The following RAD51B variants were observed in gnomAD, a reference collection of about 807,000 sequenced individuals.
The protein encoded by RAD51B is DNA repair protein RAD51 homolog 2.
RAD51B carries 38 observed loss-of-function variants against 42.2 expected under a neutral mutation model. The ratio of observed to expected loss-of-function variants is 0.90; its 90% confidence interval spans 0.70 to 1.18. The LOEUF (loss-of-function observed/expected upper bound fraction) is 1.18. Among genes scored for constraint, RAD51B ranks in the 50% most tolerant of loss-of-function variants. The pLI is 0.00. For synonymous variants in RAD51B, 154 were observed against 145.2 expected (o/e 1.06, Z -0.43); for missense variants, 373 against 400.7 (o/e 0.93, Z 0.59).
chr14:67,821,795 T>A (rs8004611), intron 1 of RAD51B, among the ~76,000 whole-genome samples: 46,152 of 151,906 alleles, frequency 0.3, 7,406 homozygotes, highest in Middle Eastern at 0.43. Flanking sequence ...TTTTTTTTTT[T>A]AAATTGAATT....
intron 7 of RAD51B, among the ~76,000 whole-genome samples, chr14:68,199,667 C>A (rs2036151734): frequency 1.3e-5 from 2 of 152,238 alleles, no homozygotes; most frequent in African/African-American, 4.8e-5. Flanking sequence ...CGTCCTCCCC[C>A]TTCAGTTCTT....
chr14:67,977,673 G>A (rs545163242), intron 7 of RAD51B, among the ~76,000 whole-genome samples: 1 of 151,842 alleles, frequency 6.6e-6, no homozygotes, highest in Non-Finnish European at 1.5e-5. Context: ...TTGAAATTTT[G>A]TGTTAGCTTC....
intron 10 of RAD51B, among the ~76,000 whole-genome samples, chr14:68,471,810 TTGTC>T (rs756020815): frequency 3.1e-4 from 47 of 152,164 alleles, no homozygotes; most frequent in Non-Finnish European, 5.9e-4. Flanking sequence ...TGCATCTCCT[TTGTC>T]TGTCCAGCGT....
rs945558650 is a variant in RAD51B at position 68,492,225 on chromosome 14, G to A, written c.1036+23975G>A. On this transcript the variant is annotated intron_variant, in intron 10 of 10. Transcript: ENST00000487270. ...ACTGACCCACTTAAAATTGCAACCC[G>A]CTCTGCTTACCCCCATCCTGCTCTA... is the stretch of plus-strand genomic sequence containing the variant. 9.9e-5 allele frequency among the ~76,000 whole-genome samples: 15 copies of A among 152,018 alleles called. 1 individual carries two copies. The highest frequency in any genetic ancestry group is 4.6e-4 in the Admixed American group (7 of 15,262).
At chr14:68,047,450 G>A (rs1012399023) in intron 7 of RAD51B, among the ~76,000 whole-genome samples, 4 of 151,926 alleles carry the variant, frequency 2.6e-5, no homozygotes, top group Admixed American at 6.6e-5. Context: ...TGGGAAATTC[G>A]AAAAGAACGA....
chr14:67,903,082 T>A (rs1395091149), intron 7 of RAD51B, among the ~76,000 whole-genome samples: 1 of 152,100 alleles, frequency 6.6e-6, no homozygotes, highest in Non-Finnish European at 1.5e-5. Context: ...GGTTTTAAAC[T>A]CCTGACCTCA....
chr14:68,667,458 A>G (rs959425566), intron 11 of RAD51B, among the ~76,000 whole-genome samples: 2 of 127,958 alleles, frequency 1.6e-5, no homozygotes, highest in Non-Finnish European at 3.5e-5. Context: ...AATCAAATAT[A>G]AAAACTACCT....
chr14:68,477,984 C>A lies in RAD51B; in HGVS notation c.*320C>A. ...AACCAGGCACCTCAAAGCGGTTTAA[C>A]CACATTAATTAATTAAAGCCCACAA... On this transcript the variant is annotated 3_prime_UTR_variant, in exon 11 of 11. Transcript: ENST00000471583. 1 of 1,131,472 alleles carries A rather than the reference C, an allele frequency of 8.8e-7. No individual in the cohort carries two copies. The highest frequency in any genetic ancestry group is 1.1e-6 in the Non-Finnish European group (1 of 923,356). 70.1% of individuals were successfully genotyped at this position (1,131,472 alleles called of 1,614,324 possible).
At chr14:67,980,897 A>G (rs368806744) in intron 7 of RAD51B, among the ~76,000 whole-genome samples, 1 of 152,234 alleles carries the variant, frequency 6.6e-6, no homozygotes, top group African/African-American at 2.4e-5. Flanking sequence ...AACATCATCA[A>G]AATTTAAAAT....
intron 7 of RAD51B, chr14:67,887,486 T>C: frequency 4.0e-6 from 1 of 252,586 alleles, no homozygotes; most frequent in South Asian, 8.0e-5. Context: ...TCTCATTGTT[T>C]ACTCTTTGTG....
chr14:68,169,125 G>A (rs145477397), intron 7 of RAD51B, among the ~76,000 whole-genome samples: 141 of 152,278 alleles, frequency 9.3e-4, no homozygotes, highest in African/African-American at 3.3e-3. Flanking sequence ...ACTCCAGCTT[G>A]CATAGTAAGC....
In RAD51B at chr14:68,468,413, C is replaced by A. The variant is rs1486586212; in HGVS notation, c.1036+163C>A. On this transcript the variant is annotated intron_variant, in intron 10 of 10. Coordinates refer to ENST00000471583, the MANE Select transcript of RAD51B (RefSeq NM_133510.4). ...TACCCTAGTGAGAGCAAGAGAGCGG[C>A]AGTTGTGGCAAGAATTTGACAGAGA... The A allele has an allele frequency of 3.7e-6, 3 of 803,584 alleles. No homozygotes were observed. In the African/African-American group the frequency reaches 5.0e-5, roughly 14 times the overall value. 49.8% of individuals were successfully genotyped at this position (803,584 alleles called of 1,614,324 possible).
intron 7 of RAD51B, among the ~76,000 whole-genome samples, chr14:67,920,725 T>G (rs1316536626): frequency 8.5e-5 from 13 of 152,176 alleles, no homozygotes. Flanking sequence ...ACAGGCTCTG[T>G]GCTTGGTCTT....
At chr14:68,360,972 A>G (rs2083013108) in intron 8 of RAD51B, among the ~76,000 whole-genome samples, 2 of 152,206 alleles carry the variant, frequency 1.3e-5, no homozygotes, top group Non-Finnish European at 1.5e-5. Flanking sequence ...GGTAGGGGGT[A>G]GGACCCCTCT....
chr14:67,925,221 G>A (rs2140143149), intron 7 of RAD51B, among the ~76,000 whole-genome samples: 1 of 152,284 alleles, frequency 6.6e-6, no homozygotes, highest in African/African-American at 2.4e-5. Context: ...GGCTGGCATT[G>A]AGTGTCTGCA....
intron 7 of RAD51B, among the ~76,000 whole-genome samples, chr14:67,979,630 C>T (rs1386584759): frequency 1.3e-5 from 2 of 152,096 alleles, no homozygotes; most frequent in Admixed American, 6.6e-5. Context: ...AAGGAGTCTT[C>T]GTAGTAATCC....
intron 10 of RAD51B, among the ~76,000 whole-genome samples, chr14:68,574,871 T>G (rs1288854402): frequency 6.6e-6 from 1 of 152,128 alleles, no homozygotes; most frequent in Non-Finnish European, 1.5e-5. Context: ...GGATTTTTGG[T>G]CTCCAGTAGC....
At chr14:68,387,020 G>C (rs1195697117) in intron 8 of RAD51B, 1 of 152,198 alleles carries the variant, frequency 6.6e-6, no homozygotes, top group Non-Finnish European at 1.5e-5. Flanking sequence ...ATGCATTTAA[G>C]TCACCAAGTG....
intron 4 of RAD51B, among the ~76,000 whole-genome samples, chr14:67,858,801 C>T (rs1180037383): frequency 2.6e-5 from 4 of 152,228 alleles, no homozygotes; most frequent in African/African-American, 9.6e-5. Flanking sequence ...TCACTGCCTC[C>T]TGTCGCTATC....
Sources: allele counts gnomAD v4.1 joint callset (sites outside exome capture counted in the v4.1 genomes callset), GRCh38; gene constraint gnomAD v4.1.1; transcripts MANE v1.5; gene names NCBI Gene and HGNC (gene_info 2026-07-23, HGNC 2026-07-21).